WDR44: variants seen among roughly 807,000 people sequenced by gnomAD.
The protein encoded by WDR44 is WD repeat-containing protein 44.
WDR44 carries 9 observed loss-of-function variants against 65.7 expected under a neutral mutation model. The observed-to-expected ratio is 0.14, with a 90% CI of 0.08 to 0.24. WDR44 has a LOEUF of 0.24. Ranked by LOEUF, WDR44 falls within the 10% of genes least tolerant of loss-of-function variation. WDR44 has a pLI of 1.00. For synonymous variants in WDR44, 220 were observed against 235.2 expected, an observed-to-expected ratio of 0.94 and a Z score of 0.59; for missense variants, 425 against 670.9, an observed-to-expected ratio of 0.63 and a Z score of 4.05.
At chrX:118,405,074 C>T (rs754262385) in intron 9 of WDR44, among the ~76,000 whole-genome samples, 1 of 109,680 alleles carries the variant, frequency 9.1e-6, no homozygotes, top group Non-Finnish European at 1.9e-5. Context: ...CTTGCTCTGT[C>T]GCCCAGACTG....
intron 8 of WDR44, among the ~76,000 whole-genome samples, chrX:118,403,832 A>G (rs898280419): frequency 8.9e-6 from 1 of 112,130 alleles, no homozygotes; most frequent in African/African-American, 3.2e-5. Flanking sequence ...ATTTTATTAC[A>G]TGCACCTACC....
At chrX:118,382,757 A>T (rs1167125046) in intron 2 of WDR44, among the ~76,000 whole-genome samples, 1 of 112,076 alleles carries the variant, frequency 8.9e-6, no homozygotes, top group Admixed American at 9.5e-5. Context: ...GGTAACTGTT[A>T]CATGAATTGC....
intron 12 of WDR44, among the ~76,000 whole-genome samples, chrX:118,430,888 G>A (rs2057204408): frequency 9.0e-6 from 1 of 111,634 alleles, no homozygotes; most frequent in African/African-American, 3.3e-5. Context: ...ATGTCTCCCA[G>A]CAGTGCTCAC....
At chrX:118,424,323 G>GTGTATATATATATATATATATATATA (rs1289349202) in intron 12 of WDR44, among the ~76,000 whole-genome samples, 2 of 65,564 alleles carry the variant, frequency 3.1e-5, no homozygotes, top group Admixed American at 1.8e-4. Context: ...GTGTGTGTGT[G>GTGTATATATATATATATATATATATA]TATATATATA....
Position 118,440,949 on chromosome X carries a change from C to CTTTTT in WDR44, c.1975-394_1975-390dup, listed in dbSNP as rs1214126337. ...AAGAATAAAAATTTTTAAATGAAATCTTTTTTTTTTTTTTTTTTTTTTTTT... is the reference window on the plus strand; with the variant it reads ...AAGAATAAAAATTTTTAAATGAAATCTTTTTTTTTTTTTTTTTTTTTTTTTTTTTT... On this transcript the variant is annotated intron_variant, in intron 14 of 19. Coordinates refer to ENST00000254029, the MANE Select transcript of WDR44 (RefSeq NM_019045.5). Among the ~76,000 whole-genome samples, 51 of 50,358 alleles carry CTTTTT rather than the reference C, an allele frequency of 1.0e-3. 6 individuals carry two copies. The highest frequency in any genetic ancestry group is 2.8e-3 in the African/African-American group (31 of 11,181). The allele number at this position is 50,358 out of a possible 115,157, so 43.7% of individuals were successfully genotyped here.
At chrX:118,380,415 C>G (rs990147170) in intron 2 of WDR44, among the ~76,000 whole-genome samples, 1 of 111,566 alleles carries the variant, frequency 9.0e-6, no homozygotes, top group African/African-American at 3.3e-5. Flanking sequence ...ATCCCTAAAT[C>G]TGTTTTCCAT....
chrX:118,441,762 A>G (rs772843809), intron 15 of WDR44, among the ~76,000 whole-genome samples: 3 of 111,205 alleles, frequency 2.7e-5, no homozygotes, highest in Non-Finnish European at 5.7e-5. Context: ...TTTTTTTGAG[A>G]TGGAGTCTCA....
rs111924613 is a variant in WDR44, at chrX:118,433,655, T to C, written c.1851+761T>C. On this transcript the variant is annotated intron_variant, in intron 13 of 19. Transcript: ENST00000254029. ...TCATAGTGTTATAACAGGGAAAGAT[T>C]AACTGAGCTAGTAAATATAAAGCAC... Among the ~76,000 whole-genome samples, 1,003 of 111,825 alleles carry C rather than the reference T, an allele frequency of 9.0e-3. 19 individuals carry two copies. The highest frequency in any genetic ancestry group is 0.031 in the African/African-American group (961 of 30,787).
At chrX:118,357,910 A>C (rs762847597) in intron 1 of WDR44, among the ~76,000 whole-genome samples, 40 of 111,239 alleles carry the variant, frequency 3.6e-4, no homozygotes, top group African/African-American at 1.2e-3. Context: ...GCGGTGGCTC[A>C]TGCCTGTAAT....
chrX:118,422,698 A>T (rs896886208), intron 12 of WDR44, among the ~76,000 whole-genome samples: 1 of 111,461 alleles, frequency 9.0e-6, no homozygotes, highest in African/African-American at 3.3e-5. Flanking sequence ...TCTCAAAAAA[A>T]AAAAAAGAAA....
At chrX:118,415,565 G>A (rs762328154) in intron 12 of WDR44, among the ~76,000 whole-genome samples, 69 of 111,697 alleles carry the variant, frequency 6.2e-4, no homozygotes, top group African/African-American at 2.1e-3. Context: ...GTGCAGTGGC[G>A]CAATCTCAGC....
chrX:118,446,236 G>C (rs1436016105), intron 19 of WDR44, among the ~76,000 whole-genome samples: 1 of 109,947 alleles, frequency 9.1e-6, no homozygotes, highest in Non-Finnish European at 1.9e-5. Flanking sequence ...AGTGGGCTGA[G>C]ATTGCACCAC....
chrX:118,352,338 A>T (rs866297517), intron 1 of WDR44, among the ~76,000 whole-genome samples: 15 of 18,768 alleles, frequency 8.0e-4, no homozygotes, highest in African/African-American at 5.1e-3. Context: ...ATATATATAT[A>T]TATATATATA....
In WDR44 at chrX:118,448,907, G is replaced by C. The variant is rs1412365358; in HGVS notation, c.2662G>C (p.Asp888His). ...DATPSGIMKT[D>H]NTEVLLSADF... ...ATACTTTTAAGGTATTATGAAGACA[G>C]ATAACACAGAAGTTCTTCTCTCTGC... The change falls in exon 20 of 20, where the codon GAT (aspartate) becomes CAT (histidine). Residue 888 changes from aspartate (D) to histidine (H), a missense_variant. Asp to His is a moderately conservative substitution (Grantham distance 81). Around this residue, in one of 5 missense-constraint regions of WDR44, gnomAD observed 37 missense variants for 40.9 expected, o/e 0.90. Coordinates refer to ENST00000254029, the MANE Select transcript of WDR44 (RefSeq NM_019045.5). 1.7e-6 allele frequency: 2 copies of C among 1,191,038 alleles called. No individual in the cohort carries two copies. Among genetic ancestry groups the C allele is most frequent in the African/African-American group, 3.5e-5 (2 of 56,696 alleles).
At chrX:118,429,544 G>A (rs1414046314) in intron 12 of WDR44, among the ~76,000 whole-genome samples, 4 of 105,574 alleles carry the variant, frequency 3.8e-5, no homozygotes, top group Admixed American at 3.1e-4. Context: ...AGCCAAGATC[G>A]TGCCACTGCA....
chrX:118,352,338 ATATATATATATATATT>A (rs1305682264), intron 1 of WDR44, among the ~76,000 whole-genome samples: 5 of 18,797 alleles, frequency 2.7e-4, no homozygotes, highest in Non-Finnish European at 3.6e-4. Context: ...ATATATATAT[ATATATATATATATATT>A]TTTTTTTTTT....
chrX:118,351,901 C>T (rs995161990), intron 1 of WDR44, among the ~76,000 whole-genome samples: 2 of 110,358 alleles, frequency 1.8e-5, no homozygotes, highest in African/African-American at 6.6e-5. Context: ...GTGGTCATGC[C>T]ACTGCACTCC....
At chrX:118,368,500 G>T (rs1301827384) in intron 1 of WDR44, among the ~76,000 whole-genome samples, 1 of 64,660 alleles carries the variant, frequency 1.5e-5, no homozygotes, top group African/African-American at 1.1e-4. Context: ...GGACCTTTCC[G>T]CATTCCTCCA....
intron 1 of WDR44, among the ~76,000 whole-genome samples, chrX:118,366,880 G>A (rs2056557799): frequency 8.9e-6 from 1 of 111,767 alleles, no homozygotes; most frequent in South Asian, 3.7e-4. Context: ...GGCAGATGAC[G>A]AGGTCAGGAG....
Sources: gnomAD v4.1 joint callset for allele counts (sites outside exome capture counted in the v4.1 genomes callset) on GRCh38, gnomAD v4.1.1 for gene constraint, gnomAD v4.1.1 regional missense constraint, MANE v1.5 for transcripts, NCBI Gene and HGNC (gene_info 2026-07-23, HGNC 2026-07-21) for gene names.